CHD8: variants seen among roughly 807,000 people sequenced by gnomAD.
CHD8 encodes the protein ATP-dependent chromatin remodeler CHD8.
In CHD8, 31 loss-of-function variants were observed where a neutral mutation model predicts 279.2. That is an observed-to-expected ratio of 0.11 (90% CI 0.08 to 0.15). CHD8 has a LOEUF of 0.15. Ranked by LOEUF, CHD8 falls within the 10% of genes least tolerant of loss-of-function variation. The pLI is 1.00. For synonymous variants in CHD8, 1,081 were observed against 1,139.6 expected, an observed-to-expected ratio of 0.95 and a Z score of 1.04; for missense variants, 2,146 against 3,230.5, an observed-to-expected ratio of 0.66 and a Z score of 8.14.
Position 21,428,128 on chromosome 14 carries a change from C to T in CHD8, c.1342G>A (p.Glu448Lys). 6.2e-7 allele frequency: 1 copy of T among 1,614,010 alleles called. No homozygotes were observed. Among genetic ancestry groups the T allele is most frequent in the Non-Finnish European group, 8.5e-7 (1 of 1,179,896 alleles). The change falls in exon 4 of 38, where the codon GAA (glutamate) becomes AAA (lysine). Residue 448 changes from glutamate (E) to lysine (K), a missense_variant. This residue lies in a region of CHD8 where 170 missense variants were observed against 189.9 expected (regional missense o/e 0.90). Transcript: ENST00000646647. ...TTCTGGTGTTCCAATCTGCGGTTTT[C>T]CTCCATTCCTGTCTTTCCCCCCGAA... ...PHSGGKTGME[E>K]NRRLEHQKKQ...
intron 2 of CHD8, chr14:21,430,320 A>G (rs1019348247): frequency 6.3e-6 from 1 of 158,468 alleles, no homozygotes; most frequent in Admixed American, 5.9e-5. Flanking sequence ...TACGCTAGAA[A>G]CTAACACTTT....
chr14:21,398,964 AC>A, intron 26 of CHD8: 2 of 423,922 alleles, frequency 4.7e-6, no homozygotes, highest in Non-Finnish European at 9.5e-6. Context: ...CAAAACCATC[AC>A]CCTTGAGGTC....
chr14:21,399,358 A>C (rs894513671), intron 26 of CHD8: 1 of 484,930 alleles, frequency 2.1e-6, no homozygotes, highest in Non-Finnish European at 3.8e-6. Context: ...CACTGCTAAC[A>C]GTGATTAGAG....
chr14:21,430,565 TA>T (rs920636529), intron 2 of CHD8: 1 of 476,112 alleles, frequency 2.1e-6, no homozygotes, highest in Admixed American at 3.4e-5. Context: ...GTGTTTGCCT[TA>T]TTTAGCACCA....
At chr14:21,418,436 C>G (rs945784848) in intron 5 of CHD8, among the ~76,000 whole-genome samples, 1 of 152,152 alleles carries the variant, frequency 6.6e-6, no homozygotes, top group Admixed American at 6.5e-5. Context: ...ATGAGGATCA[C>G]TTGAATGCAG....
chr14:21,425,091 G>T (rs1889249388), intron 5 of CHD8, among the ~76,000 whole-genome samples: 1 of 152,098 alleles, frequency 6.6e-6, no homozygotes, highest in Non-Finnish European at 1.5e-5. Context: ...GCTTCTTTTG[G>T]TCTCTTCCAA....
Position 21,452,683 on chromosome 14 carries a change from T to C in CHD8, c.-216+3349A>G, listed in dbSNP as rs551333737. On this transcript the variant is annotated intron_variant, in intron 1 of 37. Coordinates refer to ENST00000646647, the MANE Select transcript of CHD8 (RefSeq NM_001170629.2). ...AAGAAAACTTCATACAACAATCCCATTACATAGAAATACAACTGTCAGCCG... is the reference window on the plus strand; with the variant it reads ...AAGAAAACTTCATACAACAATCCCACTACATAGAAATACAACTGTCAGCCG... Among the ~76,000 whole-genome samples, 18 of 150,782 alleles carry C rather than the reference T, an allele frequency of 1.2e-4. No homozygotes were observed. The South Asian group carries it at 3.6e-3, about 30-fold the overall frequency.
chr14:21,436,594 T>C (rs1325373068), intron 1 of CHD8, among the ~76,000 whole-genome samples: 1 of 152,180 alleles, frequency 6.6e-6, no homozygotes, highest in Non-Finnish European at 1.5e-5. Flanking sequence ...TTCACCATTC[T>C]CACTGCCAAA....
intron 5 of CHD8, among the ~76,000 whole-genome samples, chr14:21,419,333 C>A (rs1888904661): frequency 6.6e-6 from 1 of 152,136 alleles, no homozygotes; most frequent in Non-Finnish European, 1.5e-5. Context: ...CCGAGGCGGG[C>A]AGACTGCCTG....
At position 21,406,837 on chromosome 14, in the gene CHD8, A is replaced by C; in HGVS notation, c.2907+19T>G. ...GTTTATTCCAGGTGTTTCTGCTCAC[A>C]AGTCAGTGTGGAACTCACCAGGTCC... On this transcript the variant is annotated intron_variant, in intron 14 of 37. Coordinates refer to ENST00000646647, the MANE Select transcript of CHD8 (RefSeq NM_001170629.2). 1 of 1,596,616 alleles carries C rather than the reference A, an allele frequency of 6.3e-7. No homozygotes were observed.
chr14:21,442,738 C>G (rs557615300), intron 1 of CHD8, among the ~76,000 whole-genome samples: 156 of 10,504 alleles, frequency 0.015, no homozygotes, highest in Middle Eastern at 0.056. Context: ...GGGGAAGAGA[C>G]GGGAGGAGAG....
chr14:21,414,235 G>A, intron 9 of CHD8, 66 bp downstream of exon 9: 1 of 839,434 alleles, frequency 1.2e-6, no homozygotes. Flanking sequence ...AATCAGCCAA[G>A]GCTGACAACC....
rs1193176642 is a variant in CHD8 at position 21,401,025 on chromosome 14, T to G, written c.4220A>C (p.His1407Pro). Residue 1407 changes from histidine (H) to proline (P), a missense_variant, in exon 22 of 38, where the codon CAC (histidine) becomes CCC (proline). His to Pro is a moderately conservative substitution (Grantham distance 77). Transcript: ENST00000646647. ...GTCATCATCTTTCAGAGTGCTAAAG[T>G]GGCGCGTTTGTTTTCGTACTCTAGG... ...DTPRVRKQTR[H>P]FSTLKDDDLV... is the part of the protein sequence containing the mutation. The G allele has an allele frequency of 1.2e-6, 2 of 1,613,616 alleles. No homozygotes were observed. Among genetic ancestry groups the G allele is most frequent in the Admixed American group, 3.3e-5 (2 of 59,884 alleles).
chr14:21,417,078 C>G (rs1177755670), intron 5 of CHD8, among the ~76,000 whole-genome samples: 1 of 152,028 alleles, frequency 6.6e-6, no homozygotes, highest in Non-Finnish European at 1.5e-5. Context: ...TAATTTTATA[C>G]CAATACAAAT....
intron 10 of CHD8, among the ~76,000 whole-genome samples, chr14:21,412,233 C>T (rs60690486): frequency 0.022 from 3,394 of 152,052 alleles, 136 homozygotes; most frequent in African/African-American, 0.077. Flanking sequence ...ACAACTTTTG[C>T]CTCCCGGGTT....
intron 37 of CHD8, among the ~76,000 whole-genome samples, chr14:21,389,375 CT>C (rs1445821994): frequency 7.3e-5 from 11 of 151,618 alleles, no homozygotes; most frequent in Admixed American, 6.6e-4. Context: ...CTTCGGGAGG[CT>C]TAGGCAGGTG....
At position 21,394,928 on chromosome 14, in the gene CHD8, G is replaced by A. The variant is rs1422525500; in HGVS notation, c.5374C>T (p.Arg1792Trp). Residue 1792 changes from arginine (R) to tryptophan (W), a missense_variant, in exon 30 of 38, where the codon CGG becomes TGG. This residue lies in a region of CHD8 where 513 missense variants were observed against 637.6 expected (regional missense o/e 0.80). Coordinates refer to ENST00000646647, the MANE Select transcript of CHD8 (RefSeq NM_001170629.2). ...AAFKLKEIAR[R>W]EKQQRWTRRE... ...ATATTTTACCGTTGTTGTTTCTCCC[G>A]CCGTGCAATTTCTTTCAGCTTGAAG... 11 of 1,613,802 alleles carry A rather than the reference G, an allele frequency of 6.8e-6. No individual in the cohort carries two copies. Among genetic ancestry groups the A allele is most frequent in the East Asian group, 2.2e-5 (1 of 44,874 alleles).
Position 21,385,555 on chromosome 14 carries a change from G to A in CHD8, c.*58C>T. On this transcript the variant is annotated 3_prime_UTR_variant, in exon 38 of 38. Transcript: ENST00000646647. ...CCCCTCCCACGTTTCCATAGTCCAA[G>A]GGCCAGAGTAAATGAAAATACAGCA... The A allele has an allele frequency of 6.6e-7, 1 of 1,505,238 alleles. No individual in the cohort carries two copies. The highest frequency in any genetic ancestry group is 8.9e-7 in the Non-Finnish European group (1 of 1,126,182). The allele number at this position is 1,505,238 out of a possible 1,614,324, so 93.2% of individuals were successfully genotyped here.
At position 21,385,736 on chromosome 14, in the gene CHD8, A is replaced by G; in HGVS notation, c.7623T>C (p.Asp2541=). The G allele has an allele frequency of 6.4e-7, 1 of 1,551,320 alleles. No individual in the cohort carries two copies. Among genetic ancestry groups the G allele is most frequent in the South Asian group, 1.2e-5 (1 of 84,028 alleles). Residue 2541 remains aspartate, a synonymous_variant, in exon 38 of 38, where the codon GAT becomes GAC. Transcript: ENST00000646647. The stretch of plus-strand genomic sequence containing the variant: ...AGTCATCATCATCTTCTTCATCCTC[A>G]TCGTCATCCTCCTCAGGTTGCAGTG... The part of the protein sequence containing the change: ...LPPLQPEEDD[D]EDEEDDDDLS...
Sources: allele counts gnomAD v4.1 joint callset (sites outside exome capture counted in the v4.1 genomes callset), GRCh38; gene constraint gnomAD v4.1.1; regional missense constraint gnomAD v4.1.1; transcripts MANE v1.5; gene names NCBI Gene and HGNC (gene_info 2026-07-23, HGNC 2026-07-21).